AGXT: variants seen among roughly 807,000 people sequenced by gnomAD.
AGXT encodes alanine--glyoxylate aminotransferase, also known as L-alanine: glyoxylate aminotransferase 1.
Under a neutral mutation model 46.9 loss-of-function variants are expected in AGXT, and 41 were observed. That is an observed-to-expected ratio of 0.88 (90% CI 0.68 to 1.14). The LOEUF (loss-of-function observed/expected upper bound fraction) is 1.14, where lower values mean the gene tolerates loss of function less well. Among genes scored for constraint, AGXT ranks in the 50% most tolerant of loss-of-function variants. The pLI is 0.00. For synonymous variants in AGXT, 244 were observed against 227.9 expected (o/e 1.07, Z -0.64); for missense variants, 525 against 522.7 (o/e 1.00, Z -0.04).
intron 2 of AGXT, among the ~76,000 whole-genome samples, chr2:240,869,621 G>A (rs1310660824): frequency 2.0e-5 from 3 of 152,232 alleles, no homozygotes; most frequent in Admixed American, 1.3e-4. Context: ...TGGAGCATGT[G>A]CAGGACGGAA....
intron 4 of AGXT, 34 bp downstream of exon 4, chr2:240,871,483 C>G (rs1559568876): frequency 6.5e-7 from 1 of 1,538,164 alleles, no homozygotes; most frequent in Non-Finnish European, 8.8e-7. Flanking sequence ...GACTGGAGCA[C>G]AGCTCAGAGC....
chr2:240,875,918 C>T lies in AGXT; in HGVS notation c.777-17C>T. 1 of 1,614,106 alleles carries T rather than the reference C, an allele frequency of 6.2e-7. No homozygotes were observed. Among genetic ancestry groups the T allele is most frequent in the Non-Finnish European group, 8.5e-7 (1 of 1,179,940 alleles). ...CCCTGCCCATGGTGCTGGACCAAGC[C>T]CCCTCGTGTCTTCCAGGTACCATCA... On this transcript the variant is annotated splice_polypyrimidine_tract_variant and intron_variant, in intron 7 of 10. Transcript: ENST00000307503.
At chr2:240,869,064 TCA>T in intron 1 of AGXT, 34 bp downstream of exon 1, 1 of 1,608,406 alleles carries the variant, frequency 6.2e-7, no homozygotes, top group African/African-American at 1.3e-5. Flanking sequence ...GGCCTGGGTC[TCA>T]CCCATGTTCC....
rs1026358583 is a variant in AGXT, at chr2:240,869,260, C to A, written c.256C>A (p.Leu86Met). 1 of 1,613,860 alleles carries A rather than the reference C, an allele frequency of 6.2e-7. No individual in the cohort carries two copies. The highest frequency in any genetic ancestry group is 1.7e-5 in the Admixed American group (1 of 60,026). ...LVISGSGHCA[L>M]EAALVNVLEP... Reference sequence around the variant, plus strand: ...CATCTCTGGCTCGGGACACTGTGCCCTGGAGGCCGCCCTGGTCAATGTGCT... The same window carrying A: ...CATCTCTGGCTCGGGACACTGTGCCATGGAGGCCGCCCTGGTCAATGTGCT... The change falls in exon 2 of 11, where the codon CTG (leucine) becomes ATG (methionine). Residue 86 changes from leucine to methionine, a missense_variant. Coordinates refer to ENST00000307503, the MANE Select transcript of AGXT (RefSeq NM_000030.3).
chr2:240,878,866 T>C lies in AGXT; in HGVS notation c.*45T>C. 1 of 1,520,026 alleles carries C rather than the reference T, an allele frequency of 6.6e-7. No individual in the cohort carries two copies. Among genetic ancestry groups the C allele is most frequent in the Non-Finnish European group, 8.9e-7 (1 of 1,121,572 alleles). 94.2% of individuals were successfully genotyped at this position (1,520,026 alleles called of 1,614,324 possible). ...CTGGCACTGGCACACACCTGTCCCATGCCCACCCTGAGGGATCAGGAGCAA... is the reference window on the plus strand; with the variant it reads ...CTGGCACTGGCACACACCTGTCCCACGCCCACCCTGAGGGATCAGGAGCAA... On this transcript the variant is annotated 3_prime_UTR_variant, in exon 11 of 11. Transcript: ENST00000307503.
intron 10 of AGXT, among the ~76,000 whole-genome samples, 173 bp downstream of exon 10, chr2:240,878,323 C>T (rs1196451332): frequency 6.6e-6 from 1 of 152,218 alleles, no homozygotes; most frequent in Non-Finnish European, 1.5e-5. Context: ...ATCCTGTCGC[C>T]CCTGCTCCCA....
rs1452455390 is a variant in AGXT at position 240,872,977 on chromosome 2, A to G, written c.525-2A>G. The G allele has an allele frequency of 1.2e-6, 2 of 1,613,684 alleles. No homozygotes were observed. The highest frequency in any genetic ancestry group is 4.5e-5 in the East Asian group (2 of 44,848). The stretch of plus-strand genomic sequence containing the variant: ...CCTCCATTCTGTCCCCCACCTCTCC[A>G]GGTACAAGTGCCTGCTCCTGGTGGA... On this transcript the variant is annotated splice_acceptor_variant, in intron 4 of 10. Coordinates refer to ENST00000307503, the MANE Select transcript of AGXT (RefSeq NM_000030.3). LOFTEE classifies it high-confidence loss of function.
In AGXT at chr2:240,874,019, G is replaced by T. The variant is rs1200591457; in HGVS notation, c.637G>T (p.Ala213Ser). 16 of 1,613,578 alleles carry T rather than the reference G, an allele frequency of 9.9e-6. No homozygotes were observed. The highest frequency in any genetic ancestry group is 1.2e-5 in the Non-Finnish European group (14 of 1,180,032). Residue 213 changes from alanine to serine, a missense_variant, in exon 6 of 11, where the codon GCC becomes TCC. Ala to Ser is a moderately conservative substitution (Grantham distance 99, BLOSUM62 1). Transcript: ENST00000307503. ...CTCGGGCTCCCAGAAGGCCCTGAAC[G>T]CCCCTCCAGGGACCTCGCTCATCTC... ...LYSGSQKALN[A>S]PPGTSLISFS...
intron 5 of AGXT, 184 bp downstream of exon 5, chr2:240,873,233 C>A (rs532682172): frequency 2.4e-4 from 142 of 595,324 alleles, no homozygotes; most frequent in African/African-American, 1.3e-3. Context: ...CCCAGCACCC[C>A]AGTGTTTCCA....
intron 6 of AGXT, among the ~76,000 whole-genome samples, chr2:240,874,518 C>T (rs2059012310): frequency 6.6e-6 from 1 of 152,252 alleles, no homozygotes; most frequent in Admixed American, 6.5e-5. Flanking sequence ...CCAGACCTCA[C>T]AGGCGGTTCC....
chr2:240,875,674 G>A (rs1002629065), intron 7 of AGXT, among the ~76,000 whole-genome samples: 24 of 152,366 alleles, frequency 1.6e-4, no homozygotes, highest in East Asian at 3.9e-4. Context: ...GAGGGGCTCC[G>A]CAGGGAGGTG....
At chr2:240,877,671 G>A (rs1438404323) in intron 9 of AGXT, 39 bp downstream of exon 9, 2 of 1,541,990 alleles carry the variant, frequency 1.3e-6, no homozygotes, top group East Asian at 4.9e-5. Flanking sequence ...CTGCACCCAT[G>A]GGGAAGGATG....
intron 7 of AGXT, 50 bp downstream of exon 7, chr2:240,875,254 AGGTGGGGCGCT>A: frequency 6.7e-7 from 1 of 1,490,492 alleles, no homozygotes; most frequent in Non-Finnish European, 9.4e-7. Flanking sequence ...CATGGCTGAG[AGGTGGGGCGCT>A]GGCCTCTCAC....
In AGXT at chr2:240,871,360, G is replaced by A. The variant is rs747774501; in HGVS notation, c.435G>A (p.Gln145=). The part of the protein sequence containing the change: ...TLQEVEEGLA[Q]HKPVLLFLTH... The stretch of plus-strand genomic sequence containing the variant: ...CCCTGCTTCCTCAGGGCCTGGCCCA[G>A]CACAAGCCAGTGCTGCTGTTCTTAA... Residue 145 remains glutamine (Q), a synonymous_variant, in exon 4 of 11, where the codon CAG becomes CAA. Transcript: ENST00000307503. The A allele has an allele frequency of 1.3e-6, 2 of 1,583,024 alleles. No individual in the cohort carries two copies. Among genetic ancestry groups the A allele is most frequent in the Non-Finnish European group, 1.7e-6 (2 of 1,165,502 alleles).
chr2:240,875,928 C>T lies in AGXT; in HGVS notation c.777-7C>T. On this transcript the variant is annotated splice_polypyrimidine_tract_variant and splice_region_variant and intron_variant, in intron 7 of 10. Transcript: ENST00000307503. ...GGTGCTGGACCAAGCCCCCTCGTGT[C>T]TTCCAGGTACCATCACACAATCCCC... 1 of 1,614,196 alleles carries T rather than the reference C, an allele frequency of 6.2e-7. No individual in the cohort carries two copies. Among genetic ancestry groups the T allele is most frequent in the Non-Finnish European group, 8.5e-7 (1 of 1,180,010 alleles).
In AGXT at chr2:240,874,037, C is replaced by T. The variant is rs1304705172; in HGVS notation, c.655C>T (p.Leu219Phe). Residue 219 changes from leucine to phenylalanine, a missense_variant, in exon 6 of 11, where the codon CTC becomes TTC. Physicochemically the swap from Leu to Phe is conservative, Grantham distance 22. Transcript: ENST00000307503. ...KALNAPPGTS[L>F]ISFSDKAKKK... is the part of the protein sequence containing the mutation. ...CCTGAACGCCCCTCCAGGGACCTCG[C>T]TCATCTCCTTCAGTGACAAGGCCAA... 6.2e-7 allele frequency: 1 copy of T among 1,613,734 alleles called. No homozygotes were observed.
chr2:240,869,471 ACCTTGT>A, intron 2 of AGXT, 109 bp downstream of exon 2: 3 of 1,322,774 alleles, frequency 2.3e-6, no homozygotes, highest in Non-Finnish European at 3.0e-6. Flanking sequence ...GCGCTTACCC[ACCTTGT>A]GGCCCTGTGC....
intron 5 of AGXT, 106 bp downstream of exon 5, chr2:240,873,155 G>T: frequency 1.0e-6 from 1 of 980,510 alleles, no homozygotes; most frequent in East Asian, 2.4e-5. Context: ...CTGCGGATTC[G>T]GCCCCATCTC....
At chr2:240,872,462 G>GTGAGAGTTTGTGAA (rs1559569307) in intron 4 of AGXT, among the ~76,000 whole-genome samples, 7 of 148,406 alleles carry the variant, frequency 4.7e-5, no homozygotes, top group African/African-American at 1.7e-4. Context: ...GAGGAGGAGG[G>GTGAGAGTTTGTGAA]CGAGAGTTCG....
Sources: gnomAD v4.1 joint callset for allele counts (sites outside exome capture counted in the v4.1 genomes callset) on GRCh38, gnomAD v4.1.1 for gene constraint, MANE v1.5 for transcripts, NCBI Gene and HGNC (gene_info 2026-07-23, HGNC 2026-07-21) for gene names.